The following DMD variants were observed in gnomAD, a reference collection of about 807,000 sequenced individuals.
The protein encoded by DMD is dystrophin.
A neutral mutation model predicts 330.1 loss-of-function variants in DMD; 63 were observed. The observed-to-expected ratio is 0.19, with a 90% CI of 0.16 to 0.24. The LOEUF (loss-of-function observed/expected upper bound fraction) is 0.24, where lower values mean the gene tolerates loss of function less well. Among genes scored for constraint, DMD ranks in the 10% least tolerant of loss-of-function variants. DMD has a pLI of 1.00. For synonymous variants in DMD, 1,223 were observed against 959.8 expected (o/e 1.27, Z -5.07); for missense variants, 3,344 against 2,684.1 (o/e 1.25, Z -5.43).
At chrX:31,191,155 C>A (rs1301126513) in intron 67 of DMD, among the ~76,000 whole-genome samples, 1 of 109,989 alleles carries the variant, frequency 9.1e-6, no homozygotes, top group Non-Finnish European at 1.9e-5. Flanking sequence ...ATAATTATCC[C>A]AAGCAAGGTA....
At chrX:33,211,203 A>T in intron 1 of DMD, 79 bp downstream of exon 1, 1 of 1,116,087 alleles carries the variant, frequency 9.0e-7, no homozygotes, top group East Asian at 3.1e-5. Flanking sequence ...ATTTAAAATC[A>T]ATCTACCTAA....
intron 2 of DMD, among the ~76,000 whole-genome samples, chrX:32,995,996 C>A (rs2093109013): frequency 9.0e-6 from 1 of 111,630 alleles, no homozygotes; most frequent in African/African-American, 3.3e-5. Context: ...GGTGGTAAAG[C>A]TGAGATAAAA....
At chrX:32,716,085 G>A (rs1056200541) in intron 7 of DMD, among the ~76,000 whole-genome samples, 1 of 110,640 alleles carries the variant, frequency 9.0e-6, no homozygotes, top group East Asian at 2.8e-4. Flanking sequence ...ATATAATATT[G>A]GCTAGGTTCT....
chrX:32,596,703 G>A (rs868524298), intron 12 of DMD, among the ~76,000 whole-genome samples: 7 of 109,614 alleles, frequency 6.4e-5, no homozygotes, highest in Non-Finnish European at 9.5e-5. Flanking sequence ...ACACCACCAC[G>A]CCCAGCTAAT....
intron 55 of DMD, among the ~76,000 whole-genome samples, chrX:31,626,506 CAA>C (rs1395701588): frequency 1.8e-5 from 2 of 111,426 alleles, no homozygotes; most frequent in Admixed American, 9.6e-5. Flanking sequence ...CTGTTCCAAA[CAA>C]ATTACCTCCA....
intron 51 of DMD, among the ~76,000 whole-genome samples, chrX:31,750,130 CAGA>C (rs1434631719): frequency 1.8e-5 from 2 of 110,324 alleles, no homozygotes; most frequent in African/African-American, 6.6e-5. Context: ...TTTTGCTGTG[CAGA>C]AGCTCTTTAG....
chrX:31,218,426 C>A (rs1400783352), intron 64 of DMD, among the ~76,000 whole-genome samples: 1 of 110,779 alleles, frequency 9.0e-6, no homozygotes, highest in African/African-American at 3.3e-5. Context: ...CTCTATTCAG[C>A]CCCCTGACTC....
At chrX:32,582,843 G>A (rs1034919548) in intron 13 of DMD, among the ~76,000 whole-genome samples, 1 of 111,270 alleles carries the variant, frequency 9.0e-6, no homozygotes, top group South Asian at 3.8e-4. Flanking sequence ...CTGCCTCTTT[G>A]AGATGTAAAT....
intron 7 of DMD, among the ~76,000 whole-genome samples, chrX:32,760,295 T>G (rs1341983898): frequency 3.6e-5 from 4 of 109,757 alleles, no homozygotes; most frequent in Non-Finnish European, 7.6e-5. Context: ...GGAATCAGTA[T>G]GCCACATAGT....
At chrX:32,709,528 T>A (rs1008937710) in intron 7 of DMD, among the ~76,000 whole-genome samples, 1 of 111,900 alleles carries the variant, frequency 8.9e-6, no homozygotes, top group Non-Finnish European at 1.9e-5. Flanking sequence ...CACACTTAGC[T>A]AAAAGCACTC....
chrX:31,742,582 A>G (rs1253035561), intron 51 of DMD, among the ~76,000 whole-genome samples: 1 of 112,020 alleles, frequency 8.9e-6, no homozygotes, highest in Non-Finnish European at 1.9e-5. Context: ...TCTTATGAAA[A>G]TAAGTAATGG....
At chrX:32,931,859 CT>C (rs1346128679) in intron 2 of DMD, among the ~76,000 whole-genome samples, 1 of 111,577 alleles carries the variant, frequency 9.0e-6, no homozygotes, top group African/African-American at 3.3e-5. Context: ...ACTCCAATAT[CT>C]ACTGTGTCAA....
chrX:32,068,969 C>T (rs2096278278), intron 44 of DMD, among the ~76,000 whole-genome samples: 2 of 111,543 alleles, frequency 1.8e-5, no homozygotes, highest in African/African-American at 6.5e-5. Flanking sequence ...TGTTCAGAGA[C>T]ATTTTAGTCA....
chrX:32,009,740 T>A (rs1451648587), intron 44 of DMD, among the ~76,000 whole-genome samples: 2 of 111,862 alleles, frequency 1.8e-5, no homozygotes. Flanking sequence ...CAGGGTATTA[T>A]AATCATTATT....
intron 44 of DMD, among the ~76,000 whole-genome samples, chrX:32,154,839 A>G (rs1401662470): frequency 9.7e-6 from 1 of 103,379 alleles, no homozygotes; most frequent in Non-Finnish European, 1.9e-5. Flanking sequence ...TAAACGCAGA[A>G]GAGGGCACAA....
At chrX:31,407,187 A>G (rs1313360167) in intron 60 of DMD, among the ~76,000 whole-genome samples, 3 of 112,011 alleles carry the variant, frequency 2.7e-5, no homozygotes, top group Admixed American at 9.5e-5. Flanking sequence ...TATTTGAGAC[A>G]GAGTTTCGTT....
chrX:33,161,037 A>C (rs2148662158), intron 1 of DMD, among the ~76,000 whole-genome samples: 1 of 112,090 alleles, frequency 8.9e-6, no homozygotes, highest in African/African-American at 3.2e-5. Context: ...TTTGCATTGT[A>C]ATAGCATTTT....
intron 2 of DMD, among the ~76,000 whole-genome samples, chrX:32,931,646 C>T (rs2089607065): frequency 1.8e-5 from 2 of 111,144 alleles, no homozygotes; most frequent in Admixed American, 1.9e-4. Flanking sequence ...CACATGCTAA[C>T]GTATCAATTG....
chrX:32,875,307 AC>A (rs1569537654), intron 2 of DMD, among the ~76,000 whole-genome samples: 1 of 111,845 alleles, frequency 8.9e-6, no homozygotes, highest in Non-Finnish European at 1.9e-5. Context: ...CTTCTTAGTT[AC>A]ACCTGAATTT....
Sources: allele counts gnomAD v4.1 joint callset (sites outside exome capture counted in the v4.1 genomes callset), GRCh38; gene constraint gnomAD v4.1.1; transcripts MANE v1.5; gene names NCBI Gene and HGNC (gene_info 2026-07-23, HGNC 2026-07-21).